IQGAP2: variants seen among roughly 807,000 people sequenced by gnomAD.
IQGAP2 encodes the protein ras GTPase-activating-like protein IQGAP2.
A neutral mutation model predicts 201.3 loss-of-function variants in IQGAP2; 173 were observed. That is an observed-to-expected ratio of 0.86 (90% confidence interval 0.76 to 0.98). The LOEUF (loss-of-function observed/expected upper bound fraction) is 0.98. IQGAP2 is among the 50% of genes least tolerant of loss of function. IQGAP2 has a pLI of 0.00. For synonymous variants in IQGAP2, 675 were observed against 673.9 expected (o/e 1.00, Z -0.03); for missense variants, 1,687 against 1,864.8 (o/e 0.90, Z 1.76).
At chr5:76,536,722 T>G (rs1759643274) in intron 2 of IQGAP2, among the ~76,000 whole-genome samples, 1 of 150,804 alleles carries the variant, frequency 6.6e-6, no homozygotes, top group Non-Finnish European at 1.5e-5. Context: ...ATTGTGCCAT[T>G]GCACTCCAGC....
At chr5:76,656,043 A>G (rs529782981) in intron 20 of IQGAP2, among the ~76,000 whole-genome samples, 2 of 152,296 alleles carry the variant, frequency 1.3e-5, no homozygotes, top group Non-Finnish European at 2.9e-5. Context: ...CTCAAGAAAG[A>G]TCTTCCCTGG....
rs1452599145 is a variant in IQGAP2, at chr5:76,403,891, T to TA, written c.46+301dup. On this transcript the variant is annotated intron_variant, in intron 1 of 35. Coordinates refer to ENST00000274364, the MANE Select transcript of IQGAP2 (RefSeq NM_006633.5). This position sits in a 1 kb window ranked among gnomAD's most constrained non-coding sequence, Gnocchi z 4.8. ...TCTGGGACAGACCAGGTTGGGATTT[T>TA]AGGGGTATCAGGTGAGGAGTCCGCG... Among the ~76,000 whole-genome samples, 2 of 152,126 alleles carry TA rather than the reference T, an allele frequency of 1.3e-5. No individual in the cohort carries two copies. The highest frequency in any genetic ancestry group is 4.8e-5 in the African/African-American group (2 of 41,442).
At chr5:76,644,295 CTTTTTTTT>C (rs547155944) in intron 17 of IQGAP2, among the ~76,000 whole-genome samples, 1 of 47,778 alleles carries the variant, frequency 2.1e-5, no homozygotes, top group East Asian at 4.7e-4. Context: ...TTTGTAAATC[CTTTTTTTT>C]TTTTTTTTTT....
At position 76,528,460 on chromosome 5, in the gene IQGAP2, A is replaced by T. The variant is rs4145111; in HGVS notation, c.147-33936A>T. Among the ~76,000 whole-genome samples, 4 of 152,062 alleles carry T rather than the reference A, an allele frequency of 2.6e-5. 1 individual carries two copies. In the East Asian group the frequency reaches 5.8e-4, roughly 22 times the overall value. On this transcript the variant is annotated intron_variant, in intron 2 of 35. Coordinates refer to ENST00000274364, the MANE Select transcript of IQGAP2 (RefSeq NM_006633.5). ...AAAGGTGTCATGAGTTAGATATTTC[A>T]AATAGGAGGAGATGGACCCTTGATG...
At chr5:76,491,044 A>G (rs899419458) in intron 2 of IQGAP2, among the ~76,000 whole-genome samples, 27 of 138,936 alleles carry the variant, frequency 1.9e-4, no homozygotes, top group Non-Finnish European at 3.5e-4. Context: ...CTTTCATGGC[A>G]TTATTGCATC....
At chr5:76,448,913 C>G (rs1304038979) in intron 1 of IQGAP2, among the ~76,000 whole-genome samples, 1 of 152,128 alleles carries the variant, frequency 6.6e-6, no homozygotes, top group East Asian at 1.9e-4. Flanking sequence ...CCAAGTCAGC[C>G]ACCTTGAAAG....
chr5:76,541,142 T>A (rs1742744121), intron 2 of IQGAP2, among the ~76,000 whole-genome samples: 1 of 152,176 alleles, frequency 6.6e-6, no homozygotes, highest in African/African-American at 2.4e-5. Flanking sequence ...GAAATTTTTA[T>A]CTTGCAAAGC....
chr5:76,673,412 T>C, intron 24 of IQGAP2, 37 bp from the exon 25 acceptor site: 1 of 1,601,188 alleles, frequency 6.2e-7, no homozygotes, highest in Admixed American at 1.7e-5. Flanking sequence ...TGCTTGTACC[T>C]AAGCCTCCAG....
At chr5:76,536,933 T>G (rs547349778) in intron 2 of IQGAP2, among the ~76,000 whole-genome samples, 5 of 152,324 alleles carry the variant, frequency 3.3e-5, no homozygotes, top group African/African-American at 1.2e-4. Flanking sequence ...TATAGAATTT[T>G]CCCTTCTAGT....
intron 2 of IQGAP2, among the ~76,000 whole-genome samples, chr5:76,463,910 G>T (rs907803570): frequency 6.6e-6 from 1 of 151,046 alleles, no homozygotes; most frequent in Non-Finnish European, 1.5e-5. Flanking sequence ...TGCAGTGGCG[G>T]GATCTCAGCT....
At chr5:76,424,567 T>G (rs1443909002) in intron 1 of IQGAP2, among the ~76,000 whole-genome samples, 1 of 151,996 alleles carries the variant, frequency 6.6e-6, no homozygotes. Flanking sequence ...AAAGTGCTGG[T>G]ATTACAGGCA....
chr5:76,647,848 CACAA>C lies in IQGAP2; in HGVS notation c.2095-4899_2095-4896del, dbSNP rs1172963422. ...CCACACACACACACACACACACACA[CACAA>C]ACGAAAAAAACTGTAATGCCTCCAC... On this transcript the variant is annotated intron_variant, in intron 17 of 35. Coordinates refer to ENST00000274364, the MANE Select transcript of IQGAP2 (RefSeq NM_006633.5). Among the ~76,000 whole-genome samples the C allele has an allele frequency of 3.6e-3, 545 of 151,734 alleles. 6 individuals carry two copies. Among genetic ancestry groups the C allele is most frequent in the African/African-American group, 0.012 (485 of 41,332 alleles).
chr5:76,588,630 A>G (rs3822528), intron 5 of IQGAP2, among the ~76,000 whole-genome samples: 72,050 of 151,974 alleles, frequency 0.47, 17,384 homozygotes, highest in South Asian at 0.63. Context: ...CTTGTTCTCC[A>G]TACAAATGGA....
intron 13 of IQGAP2, chr5:76,618,245 G>T (rs1320912565): frequency 1.5e-5 from 24 of 1,614,092 alleles, no homozygotes; most frequent in Non-Finnish European, 1.9e-5. Flanking sequence ...TGTTCCCATT[G>T]AGATGATAAG....
chr5:76,686,202 G>C (rs1015266360), intron 30 of IQGAP2, among the ~76,000 whole-genome samples: 1 of 151,920 alleles, frequency 6.6e-6, no homozygotes, highest in Admixed American at 6.5e-5. Context: ...ATATATTCTG[G>C]ACACTGGACC....
Position 76,531,395 on chromosome 5 carries a change from A to G in IQGAP2, c.147-31001A>G, listed in dbSNP as rs1348885588. 2.0e-5 allele frequency among the ~76,000 whole-genome samples: 3 copies of G among 152,174 alleles called. No homozygotes were observed. In the East Asian group the frequency reaches 5.8e-4, roughly 29 times the overall value. ...AATCCACGTGAGTAGCTAGGACTAC[A>G]AGTGTGTGCCACCATGCCCAGATAA... On this transcript the variant is annotated intron_variant, in intron 2 of 35. Transcript: ENST00000274364.
intron 2 of IQGAP2, among the ~76,000 whole-genome samples, chr5:76,553,243 A>G (rs940448558): frequency 2.0e-5 from 3 of 152,244 alleles, no homozygotes; most frequent in Admixed American, 6.5e-5. Context: ...CAACTATGCT[A>G]TACATAAAAA....
intron 3 of IQGAP2, among the ~76,000 whole-genome samples, chr5:76,565,785 C>G (rs568283979): frequency 1.3e-5 from 2 of 152,172 alleles, no homozygotes; most frequent in African/African-American, 4.8e-5. Flanking sequence ...TTGGTACATA[C>G]TCAGTATGCT....
intron 23 of IQGAP2, among the ~76,000 whole-genome samples, chr5:76,670,162 T>C (rs999974090): frequency 2.6e-5 from 4 of 152,112 alleles, no homozygotes; most frequent in Non-Finnish European, 5.9e-5. Flanking sequence ...GTTATTCTTT[T>C]GTTTGGGCAT....
Sources: gnomAD v4.1 joint callset for allele counts (sites outside exome capture counted in the v4.1 genomes callset) on GRCh38, gnomAD v4.1.1 for gene constraint, Gnocchi (gnomAD v3.1) non-coding constraint, MANE v1.5 for transcripts, NCBI Gene and HGNC (gene_info 2026-07-23, HGNC 2026-07-21) for gene names.